TBC1D15: variants seen among roughly 807,000 people sequenced by gnomAD.
TBC1D15 encodes TBC1 domain family member 15.
Under a neutral mutation model 95.4 loss-of-function variants are expected in TBC1D15, and 39 were observed. That is an observed-to-expected ratio of 0.41 (90% CI 0.32 to 0.53). The LOEUF (loss-of-function observed/expected upper bound fraction) is 0.53, where lower values mean the gene tolerates loss of function less well. Among genes scored for constraint, TBC1D15 ranks in the 20% least tolerant of loss-of-function variants. TBC1D15 has a pLI of 0.29. For synonymous variants in TBC1D15, 258 were observed against 261.3 expected (o/e 0.99, Z 0.12); for missense variants, 733 against 794.3 (o/e 0.92, Z 0.93).
intron 1 of TBC1D15, chr12:71,854,485 T>C: frequency 2.2e-6 from 1 of 451,254 alleles, no homozygotes; most frequent in Non-Finnish European, 4.4e-6. Context: ...CTTAAGATGG[T>C]TTTTTCTCCC....
intron 1 of TBC1D15, among the ~76,000 whole-genome samples, chr12:71,853,870 A>G (rs1159411516): frequency 6.6e-6 from 1 of 152,214 alleles, no homozygotes; most frequent in Admixed American, 6.5e-5. Flanking sequence ...TGACTGGTGC[A>G]AACAGTTATG....
At chr12:71,902,922 T>C (rs1359871769) in intron 10 of TBC1D15, among the ~76,000 whole-genome samples, 1 of 151,490 alleles carries the variant, frequency 6.6e-6, no homozygotes, top group Non-Finnish European at 1.5e-5. Flanking sequence ...TGAGCAGACT[T>C]TTTTTTTTGA....
intron 1 of TBC1D15, among the ~76,000 whole-genome samples, chr12:71,859,200 G>A (rs906565499): frequency 2.0e-5 from 3 of 152,078 alleles, no homozygotes; most frequent in African/African-American, 7.2e-5. Flanking sequence ...TTGCAATCCA[G>A]TAGCATAGAT....
At chr12:71,877,522 T>G (rs1241502264) in intron 3 of TBC1D15, among the ~76,000 whole-genome samples, 2 of 130,620 alleles carry the variant, frequency 1.5e-5, no homozygotes, top group Admixed American at 7.2e-5. Context: ...CTTCCTTCCT[T>G]CCTTCCTTCC....
At chr12:71,902,953 C>T (rs1157731528) in intron 10 of TBC1D15, among the ~76,000 whole-genome samples, 2 of 152,150 alleles carry the variant, frequency 1.3e-5, no homozygotes, top group Non-Finnish European at 2.9e-5. Context: ...CGCTCTGTTG[C>T]CCAGGCTGGA....
chr12:71,906,487 T>C (rs1233717756), intron 10 of TBC1D15, among the ~76,000 whole-genome samples: 1 of 152,172 alleles, frequency 6.6e-6, no homozygotes, highest in Non-Finnish European at 1.5e-5. Flanking sequence ...ACATCTAAAG[T>C]AAATGTTGTA....
chr12:71,860,911 A>G (rs1217247835), intron 1 of TBC1D15, among the ~76,000 whole-genome samples: 3 of 152,172 alleles, frequency 2.0e-5, no homozygotes, highest in Non-Finnish European at 2.9e-5. Flanking sequence ...AGTTTTTATC[A>G]TGAGGGATGT....
At chr12:71,886,168 A>G (rs1896177516) in intron 5 of TBC1D15, among the ~76,000 whole-genome samples, 1 of 151,808 alleles carries the variant, frequency 6.6e-6, no homozygotes, top group African/African-American at 2.4e-5. Flanking sequence ...GCTTGGGGGA[A>G]CTGCAGGGAA....
chr12:71,918,563 T>A lies in TBC1D15; in HGVS notation c.1599+15T>A. 6.3e-6 allele frequency: 9 copies of A among 1,426,330 alleles called. No individual in the cohort carries two copies. Among genetic ancestry groups the A allele is most frequent in the Non-Finnish European group, 8.8e-6 (9 of 1,025,718 alleles). 88.4% of individuals were successfully genotyped at this position (1,426,330 alleles called of 1,614,324 possible). On this transcript the variant is annotated intron_variant, in intron 14 of 16. Coordinates refer to ENST00000485960, the MANE Select transcript of TBC1D15 (RefSeq NM_001146213.3). Reference sequence around the variant, plus strand: ...GATTATGGGAGGTAAGTCCTTAAATTATTATGCAAATGTGATATTTATTAT... The same window carrying A: ...GATTATGGGAGGTAAGTCCTTAAATAATTATGCAAATGTGATATTTATTAT...
intron 4 of TBC1D15, among the ~76,000 whole-genome samples, chr12:71,880,906 A>G (rs1371979608): frequency 6.6e-6 from 1 of 152,236 alleles, no homozygotes; most frequent in African/African-American, 2.4e-5. Context: ...ATTTAGTAGA[A>G]TTATAATAAT....
Position 71,907,012 on chromosome 12 carries a change from T to C in TBC1D15, c.1184-10T>C, listed in dbSNP as rs112654530. 1 of 1,549,404 alleles carries C rather than the reference T, an allele frequency of 6.5e-7. No individual in the cohort carries two copies. The highest frequency in any genetic ancestry group is 1.2e-5 in the South Asian group (1 of 83,814). On this transcript the variant is annotated splice_polypyrimidine_tract_variant and intron_variant, in intron 10 of 16. Coordinates refer to ENST00000485960, the MANE Select transcript of TBC1D15 (RefSeq NM_001146213.3). ...AAGCTTTTCAAATATGTGATGATTTTCCTCTTCAGAAAAAGATGTTAACAG... is the reference window on the plus strand; with the variant it reads ...AAGCTTTTCAAATATGTGATGATTTCCCTCTTCAGAAAAAGATGTTAACAG...
In TBC1D15 at chr12:71,923,529, T is replaced by C. The variant is rs547155928; in HGVS notation, c.*325T>C. On this transcript the variant is annotated 3_prime_UTR_variant, in exon 17 of 17. Coordinates refer to ENST00000485960, the MANE Select transcript of TBC1D15 (RefSeq NM_001146213.3). ...TATGCACTTTGAAAAACATTCACTT[T>C]GTTTAAGCTTATTGGGTTTCAGATT... The C allele has an allele frequency of 7.8e-4, 177 of 228,106 alleles. No homozygotes were observed. The highest frequency in any genetic ancestry group is 3.7e-3 in the African/African-American group (163 of 43,834). 14.1% of individuals were successfully genotyped at this position (228,106 alleles called of 1,614,324 possible).
intron 12 of TBC1D15, among the ~76,000 whole-genome samples, chr12:71,915,406 T>C (rs1029006515): frequency 6.6e-6 from 1 of 150,548 alleles, no homozygotes; most frequent in Non-Finnish European, 1.5e-5. Flanking sequence ...AACATGTGAA[T>C]CTTTCCCCAG....
At chr12:71,912,199 T>C (rs1338524981) in intron 11 of TBC1D15, among the ~76,000 whole-genome samples, 2 of 152,198 alleles carry the variant, frequency 1.3e-5, no homozygotes, top group African/African-American at 2.4e-5. Flanking sequence ...ATCTATCTTA[T>C]TCTTTTTTTA....
intron 1 of TBC1D15, among the ~76,000 whole-genome samples, chr12:71,860,192 C>T (rs572312588): frequency 1.0e-3 from 153 of 152,186 alleles, no homozygotes; most frequent in Non-Finnish European, 1.6e-3. Context: ...TAGTGTGAGG[C>T]GTCCAGCTTT....
At position 71,849,608 on chromosome 12, in the gene TBC1D15, C is replaced by T. The variant is rs1473073008; in HGVS notation, c.30+9797C>T. 9.8e-6 allele frequency: 6 copies of T among 610,720 alleles called. No individual in the cohort carries two copies. The East Asian group carries it at 1.0e-4, about 10-fold the overall frequency. 37.8% of individuals were successfully genotyped at this position (610,720 alleles called of 1,614,324 possible). A position where few individuals can be genotyped will look rare whatever the true frequency, so the allele number is the denominator to read the frequency against. On this transcript the variant is annotated intron_variant, in intron 1 of 16. Transcript: ENST00000485960. Reference sequence around the variant, plus strand: ...TACTTTGTGAATCATCAGTCAGTACCGTAAGCTCCTAAGCTGCATTGGAGA... The same window carrying T: ...TACTTTGTGAATCATCAGTCAGTACTGTAAGCTCCTAAGCTGCATTGGAGA...
chr12:71,860,583 T>G (rs1890157338), intron 1 of TBC1D15, among the ~76,000 whole-genome samples: 1 of 152,248 alleles, frequency 6.6e-6, no homozygotes, highest in African/African-American at 2.4e-5. Context: ...CTAATTTTTG[T>G]TCGTTGATTT....
chr12:71,875,634 G>T (rs561110401), intron 3 of TBC1D15, among the ~76,000 whole-genome samples: 1 of 151,326 alleles, frequency 6.6e-6, no homozygotes, highest in African/African-American at 2.4e-5. Context: ...AATTTCTCAT[G>T]TATGGTCCAT....
At chr12:71,907,847 T>G (rs1414163817) in intron 11 of TBC1D15, 1 of 152,232 alleles carries the variant, frequency 6.6e-6, no homozygotes, top group Non-Finnish European at 1.5e-5. Flanking sequence ...CTTTTTTTGG[T>G]AAATCTCTTT....
Sources: gnomAD v4.1 joint callset for allele counts (sites outside exome capture counted in the v4.1 genomes callset) on GRCh38, gnomAD v4.1.1 for gene constraint, MANE v1.5 for transcripts, NCBI Gene and HGNC (gene_info 2026-07-23, HGNC 2026-07-21) for gene names.